CDH4: variants seen among roughly 807,000 people sequenced by gnomAD.
CDH4 encodes the protein cadherin-4.
Under a neutral mutation model 86.0 loss-of-function variants are expected in CDH4, and 33 were observed. The ratio of observed to expected loss-of-function variants is 0.38; its 90% CI spans 0.29 to 0.51. CDH4 has a LOEUF of 0.51. CDH4 is among the 20% of genes least tolerant of loss of function. The pLI is 0.86. For missense variants in CDH4, 1,114 were observed against 1,307.4 expected, an observed-to-expected ratio of 0.85 and a Z score of 2.28; for synonymous variants, 555 against 549.4, an observed-to-expected ratio of 1.01 and a Z score of -0.14.
chr20:61,813,896 C>T (rs565669025), intron 4 of CDH4, among the ~76,000 whole-genome samples: 3 of 152,202 alleles, frequency 2.0e-5, no homozygotes, highest in Non-Finnish European at 4.4e-5. Context: ...GTCTCCAGTG[C>T]CCCTGGGAGC....
intron 2 of CDH4, among the ~76,000 whole-genome samples, chr20:61,553,683 G>A (rs1433745941): frequency 6.6e-6 from 1 of 152,168 alleles, no homozygotes; most frequent in Non-Finnish European, 1.5e-5. Context: ...CATCTCAGTT[G>A]CTCCACAGTC....
At position 61,920,060 on chromosome 20, in the gene CDH4, T is replaced by C. The variant is rs1161043476; in HGVS notation, c.1375-3391T>C. The stretch of plus-strand genomic sequence containing the variant: ...TTGTGTGGAAGCATGGTATCGTGAT[T>C]GTGTGGAAGCGTGGTGTCACGGTGA... On this transcript the variant is annotated intron_variant, in intron 9 of 15. Coordinates refer to ENST00000614565, the MANE Select transcript of CDH4 (RefSeq NM_001794.5). 3.3e-5 allele frequency among the ~76,000 whole-genome samples: 4 copies of C among 122,316 alleles called. No individual in the cohort carries two copies. The East Asian group carries it at 1.0e-3, about 32-fold the overall frequency. The allele number at this position is 122,316 out of a possible 152,430, so 80.2% of individuals were successfully genotyped here.
intron 2 of CDH4, among the ~76,000 whole-genome samples, chr20:61,310,205 G>T (rs2084438027): frequency 6.6e-6 from 1 of 152,140 alleles, no homozygotes; most frequent in South Asian, 2.1e-4. Context: ...CTGGTTGGGG[G>T]TCTTTGCTAG....
In CDH4 at chr20:61,811,356, A is replaced by G. The variant is rs998378491; in HGVS notation, c.577-33312A>G. ...GGAATGAAATGCCCCTTCCCGGCTT[A>G]CACAGACACAGCCCAGGAGAAAAAG... On this transcript the variant is annotated intron_variant, in intron 4 of 15. Coordinates refer to ENST00000614565, the MANE Select transcript of CDH4 (RefSeq NM_001794.5). The surrounding 1 kb of genome is among the most constrained non-coding windows in gnomAD (Gnocchi z 4.4). 2.6e-5 allele frequency among the ~76,000 whole-genome samples: 4 copies of G among 152,236 alleles called. No homozygotes were observed. Among genetic ancestry groups the G allele is most frequent in the Admixed American group, 6.5e-5 (1 of 15,294 alleles).
At chr20:61,923,800 T>C in intron 10 of CDH4, 96 bp downstream of exon 10, 1 of 1,467,498 alleles carries the variant, frequency 6.8e-7, no homozygotes. Flanking sequence ...AGCCCAGAAT[T>C]CCCCCAGATG....
At chr20:61,320,095 T>C (rs901829934) in intron 2 of CDH4, among the ~76,000 whole-genome samples, 3 of 152,150 alleles carry the variant, frequency 2.0e-5, no homozygotes, top group African/African-American at 7.2e-5. Flanking sequence ...GCAAAATTGC[T>C]CGTATTTTTG....
chr20:61,295,473 T>TAC (rs2084347062), intron 2 of CDH4, among the ~76,000 whole-genome samples: 1 of 152,356 alleles, frequency 6.6e-6, no homozygotes, highest in Admixed American at 6.5e-5. Context: ...GTTGTGGATG[T>TAC]ACACACACTG....
rs561182321 is a variant in CDH4 at position 61,857,551 on chromosome 20, G to A, written c.877+4653G>A. ...CTGAGGCCCACGGAGGTGACTAGGG[G>A]CCCCCCATGTGGAGGGAGCTGGGGC... On this transcript the variant is annotated intron_variant, in intron 6 of 15. Transcript: ENST00000614565. 2.6e-5 allele frequency among the ~76,000 whole-genome samples: 4 copies of A among 152,372 alleles called. No individual in the cohort carries two copies. In the South Asian group the frequency reaches 6.2e-4, roughly 24 times the overall value.
At chr20:61,478,900 C>T (rs2085554047) in intron 2 of CDH4, among the ~76,000 whole-genome samples, 1 of 152,182 alleles carries the variant, frequency 6.6e-6, no homozygotes, top group Non-Finnish European at 1.5e-5. Context: ...TGCAGGTTTG[C>T]CTGCGAGCGA....
intron 1 of CDH4, among the ~76,000 whole-genome samples, chr20:61,254,102 G>T (rs1320292726): frequency 6.6e-6 from 1 of 152,252 alleles, no homozygotes; most frequent in South Asian, 2.1e-4. Context: ...GAGCAGGAAA[G>T]GCGAGCGAGC....
chr20:61,857,562 G>T (rs942419055), intron 6 of CDH4, among the ~76,000 whole-genome samples: 9 of 152,270 alleles, frequency 5.9e-5, no homozygotes, highest in African/African-American at 2.2e-4. Context: ...CCCCCCATGT[G>T]GAGGGAGCTG....
intron 2 of CDH4, among the ~76,000 whole-genome samples, chr20:61,266,832 C>T (rs750095123): frequency 5.9e-5 from 9 of 152,154 alleles, no homozygotes; most frequent in Non-Finnish European, 1.0e-4. Flanking sequence ...GATCCATCCA[C>T]GCAGAGCCTC....
At chr20:61,785,157 C>T (rs890979955) in intron 4 of CDH4, among the ~76,000 whole-genome samples, 2 of 152,206 alleles carry the variant, frequency 1.3e-5, no homozygotes, top group African/African-American at 4.8e-5. Flanking sequence ...CCTCCGATGG[C>T]TTCTCTGCCA....
At chr20:61,731,113 T>TCA (rs1481392558) in intron 2 of CDH4, among the ~76,000 whole-genome samples, 6 of 151,942 alleles carry the variant, frequency 3.9e-5, no homozygotes, top group Non-Finnish European at 8.8e-5. Flanking sequence ...CTGGGGCCCA[T>TCA]CACGGCAGGG....
chr20:61,844,610 G>T, intron 4 of CDH4, 58 bp from the exon 5 acceptor site: 2 of 1,534,496 alleles, frequency 1.3e-6, no homozygotes, highest in East Asian at 2.3e-5. Context: ...TCAGAGATCG[G>T]CCCCGGGCCT....
At chr20:61,925,094 G>A (rs1393104526) in intron 11 of CDH4, among the ~76,000 whole-genome samples, 1 of 152,104 alleles carries the variant, frequency 6.6e-6, no homozygotes, top group Non-Finnish European at 1.5e-5. Context: ...CGGTGGCAAG[G>A]TCCCGGGGCA....
At chr20:61,572,821 C>T (rs1228062593) in intron 2 of CDH4, among the ~76,000 whole-genome samples, 2 of 140,634 alleles carry the variant, frequency 1.4e-5, no homozygotes, top group Admixed American at 1.4e-4. Context: ...TCTTTCAGAA[C>T]ACTATGGATG....
intron 2 of CDH4, among the ~76,000 whole-genome samples, chr20:61,479,902 C>T (rs1020296006): frequency 1.2e-4 from 18 of 152,114 alleles, no homozygotes; most frequent in Admixed American, 3.3e-4. Flanking sequence ...ATGTTTTCTC[C>T]GGCTGTTTCA....
intron 2 of CDH4, among the ~76,000 whole-genome samples, chr20:61,534,418 A>T (rs2085978653): frequency 6.6e-6 from 1 of 152,186 alleles, no homozygotes; most frequent in Non-Finnish European, 1.5e-5. Flanking sequence ...GCAACTCGTA[A>T]TATGCATTCC....
Sources: gnomAD v4.1 joint callset for allele counts (sites outside exome capture counted in the v4.1 genomes callset) on GRCh38, gnomAD v4.1.1 for gene constraint, Gnocchi (gnomAD v3.1) non-coding constraint, MANE v1.5 for transcripts, NCBI Gene and HGNC (gene_info 2026-07-23, HGNC 2026-07-21) for gene names.